Variants in NKAIN4 observed in about 807,000 individuals in gnomAD.
The protein encoded by NKAIN4 is sodium/potassium-transporting ATPase subunit beta-1-interacting protein 4.
Under a neutral mutation model 28.8 loss-of-function variants are expected in NKAIN4, and 28 were observed. That is an observed-to-expected ratio of 0.97 (90% confidence interval 0.72 to 1.33). The LOEUF (loss-of-function observed/expected upper bound fraction) is 1.33, where lower values mean the gene tolerates loss of function less well. NKAIN4 is among the 40% of genes most tolerant of loss of function. The pLI is 0.00. For synonymous variants in NKAIN4, 122 were observed against 115.6 expected, an observed-to-expected ratio of 1.06 and a Z score of -0.36; for missense variants, 289 against 277.2, an observed-to-expected ratio of 1.04 and a Z score of -0.30.
Position 63,247,787 on chromosome 20 carries a change from G to A in NKAIN4, c.274-12C>T. On this transcript the variant is annotated splice_polypyrimidine_tract_variant and intron_variant, in intron 3 of 6. Transcript: ENST00000370316. ...AGTAGCTCGCTGTCCTAGGGGAGAG[G>A]TGCAGGAGCAGGGCCGGTTAGCACC... 1 of 1,438,980 alleles carries A rather than the reference G, an allele frequency of 6.9e-7. No homozygotes were observed. Among genetic ancestry groups the A allele is most frequent in the Non-Finnish European group, 9.2e-7 (1 of 1,092,172 alleles). 89.1% of individuals were successfully genotyped at this position (1,438,980 alleles called of 1,614,324 possible). A position where few individuals can be genotyped will look rare whatever the true frequency, so the allele number is the denominator to read the frequency against.
chr20:63,249,386 C>A, intron 2 of NKAIN4: 1 of 194,786 alleles, frequency 5.1e-6, no homozygotes, highest in Admixed American at 5.3e-5. Flanking sequence ...CTGCACGGGC[C>A]ACAGCACCTA....
At chr20:63,244,728 C>A (rs2066825256) in intron 4 of NKAIN4, among the ~76,000 whole-genome samples, 1 of 152,220 alleles carries the variant, frequency 6.6e-6, no homozygotes, top group African/African-American at 2.4e-5. Flanking sequence ...CTCGCAGACA[C>A]CTGCATCCAG....
Position 63,247,775 on chromosome 20 carries a change from C to T in NKAIN4, c.274G>A (p.Asp92Asn), listed in dbSNP as rs148922292. 40 of 1,450,654 alleles carry T rather than the reference C, an allele frequency of 2.8e-5. No homozygotes were observed. The highest frequency in any genetic ancestry group is 3.4e-5 in the Non-Finnish European group (37 of 1,097,258). The allele number at this position is 1,450,654 out of a possible 1,614,324, so 89.9% of individuals were successfully genotyped here. A position where few individuals can be genotyped will look rare whatever the true frequency, so the allele number is the denominator to read the frequency against. Residue 92 changes from aspartate (D) to asparagine (N), a missense_variant and splice_region_variant, in exon 4 of 7, where the codon GAC (aspartate) becomes AAC (asparagine). Coordinates refer to ENST00000370316, the MANE Select transcript of NKAIN4 (RefSeq NM_152864.4). ...AGGCTGAAGGTCAGTAGCTCGCTGTCCTAGGGGAGAGGTGCAGGAGCAGGG... is the reference window on the plus strand; with the variant it reads ...AGGCTGAAGGTCAGTAGCTCGCTGTTCTAGGGGAGAGGTGCAGGAGCAGGG... ...FYLEVGGLLKDSELLTFSLSR... is the reference protein window; with the variant it reads ...FYLEVGGLLKNSELLTFSLSR...
intron 4 of NKAIN4, chr20:63,246,746 C>T (rs1174728421): frequency 6.2e-6 from 6 of 972,814 alleles, no homozygotes; most frequent in East Asian, 1.1e-4. Context: ...GCCCTGCCCC[C>T]GGAGCTCTTG....
chr20:63,241,689 T>A (rs1330258605), intron 6 of NKAIN4, 183 bp from the exon 7 acceptor site: 1 of 706,814 alleles, frequency 1.4e-6, no homozygotes, highest in Non-Finnish European at 2.6e-6. Flanking sequence ...TGCCTCTCTC[T>A]GTGCCGGCAG....
intron 6 of NKAIN4, 166 bp from the exon 7 acceptor site, chr20:63,241,672 C>A: frequency 1.4e-6 from 1 of 719,228 alleles, no homozygotes; most frequent in Non-Finnish European, 2.6e-6. Flanking sequence ...CTCTGGAAAG[C>A]CCCCACTGCC....
In NKAIN4 at chr20:63,249,997, T is replaced by C. The variant is rs939996201; in HGVS notation, c.130A>G (p.Ile44Val). 1 of 1,612,966 alleles carries C rather than the reference T, an allele frequency of 6.2e-7. No homozygotes were observed. The highest frequency in any genetic ancestry group is 8.5e-7 in the Non-Finnish European group (1 of 1,179,792). Residue 44 changes from isoleucine (I) to valine (V), a missense_variant, in exon 2 of 7, where the codon ATC (isoleucine) becomes GTC (valine). Coordinates refer to ENST00000370316, the MANE Select transcript of NKAIN4 (RefSeq NM_152864.4). ...AAGAGTCCCAGGATGACGATGATGATGTGGACAAAGTTGGCCAGGATGGGC... is the reference window on the plus strand; with the variant it reads ...AAGAGTCCCAGGATGACGATGATGACGTGGACAAAGTTGGCCAGGATGGGC... ...WAPILANFVH[I>V]IIVILGLFGT...
intron 1 of NKAIN4, chr20:63,253,462 C>T: frequency 1.0e-6 from 1 of 985,598 alleles, no homozygotes; most frequent in Non-Finnish European, 1.2e-6. Flanking sequence ...CTGCTCAAAA[C>T]TCTGAAACAG....
In NKAIN4 at chr20:63,242,621, C is replaced by T; in HGVS notation, c.535G>A (p.Asp179Asn). Residue 179 changes from aspartate to asparagine, a missense_variant and splice_region_variant, in exon 6 of 7, where the codon GAT becomes AAT. Coordinates refer to ENST00000370316, the MANE Select transcript of NKAIN4 (RefSeq NM_152864.4). ...AATGGATCAAATCCACCAATGAAAT[C>T]AACTGAAAGAAATCAAGACCCAAAT... is the stretch of plus-strand genomic sequence containing the variant. ...SVFTEEEDSF[D>N]FIGGFDPFPL... 1 of 1,610,708 alleles carries T rather than the reference C, an allele frequency of 6.2e-7. No homozygotes were observed. Among genetic ancestry groups the T allele is most frequent in the Non-Finnish European group, 8.5e-7 (1 of 1,177,256 alleles).
At chr20:63,250,914 C>T (rs972512414) in intron 1 of NKAIN4, among the ~76,000 whole-genome samples, 1 of 149,244 alleles carries the variant, frequency 6.7e-6, no homozygotes, top group Non-Finnish European at 1.5e-5. Flanking sequence ...CGCCCTATCC[C>T]CCACCCCAGC....
rs528771095 is a variant in NKAIN4, at chr20:63,243,532, G to A, written c.532+492C>T. Among the ~76,000 whole-genome samples the A allele has an allele frequency of 7.2e-5, 11 of 152,300 alleles. No homozygotes were observed. The South Asian group carries it at 1.2e-3, about 17-fold the overall frequency. On this transcript the variant is annotated intron_variant, in intron 5 of 6. Transcript: ENST00000370316. ...CCACACCAGGACGAGGGGACCCAGC[G>A]AGGGCGCCTGAGTGTGGACCACTCG...
In NKAIN4 at chr20:63,245,098, C is replaced by T. The variant is rs1253334106; in HGVS notation, c.472-1014G>A. Among the ~76,000 whole-genome samples, 4 of 152,158 alleles carry T rather than the reference C, an allele frequency of 2.6e-5. No homozygotes were observed. ...TGGACATGCTTGGGCTCCGTCCCCCCGACCCCCGACCCCATCTGGTACAGG... is the reference window on the plus strand; with the variant it reads ...TGGACATGCTTGGGCTCCGTCCCCCTGACCCCCGACCCCATCTGGTACAGG... On this transcript the variant is annotated intron_variant, in intron 4 of 6. Coordinates refer to ENST00000370316, the MANE Select transcript of NKAIN4 (RefSeq NM_152864.4). The surrounding 1 kb of genome is among the most constrained non-coding windows in gnomAD (Gnocchi z 4.7).
intron 4 of NKAIN4, among the ~76,000 whole-genome samples, chr20:63,244,696 G>A (rs563148363): frequency 6.6e-6 from 1 of 152,344 alleles, no homozygotes; most frequent in African/African-American, 2.4e-5. Context: ...CAGAGGGCAG[G>A]CCGCTGCAAA....
chr20:63,243,673 G>A (rs1379309007), intron 5 of NKAIN4, among the ~76,000 whole-genome samples: 3 of 152,196 alleles, frequency 2.0e-5, no homozygotes, highest in Non-Finnish European at 2.9e-5. Context: ...CCATGGGCCC[G>A]GTTCCGATCT....
chr20:63,247,726 C>A lies in NKAIN4; in HGVS notation c.323G>T (p.Arg108Leu), dbSNP rs980921395. ...FSLSRHRSWW[R>L]ERWPGCLHEE... ...ATGCAGACAGCCTGGCCAGCGCTCA[C>A]GCCACCAGGAGCGATGCCGGGAGAG... is the stretch of plus-strand genomic sequence containing the variant. Residue 108 changes from arginine to leucine, a missense_variant, in exon 4 of 7, where the codon CGT (arginine) becomes CTT (leucine). Physicochemically the swap from Arg to Leu is moderately radical, Grantham distance 102. Transcript: ENST00000370316. 4.9e-5 allele frequency: 73 copies of A among 1,502,230 alleles called. No individual in the cohort carries two copies. The highest frequency in any genetic ancestry group is 6.4e-5 in the Non-Finnish European group (72 of 1,122,444). The allele number at this position is 1,502,230 out of a possible 1,614,324, so 93.1% of individuals were successfully genotyped here. A position where few individuals can be genotyped will look rare whatever the true frequency, so the allele number is the denominator to read the frequency against.
At chr20:63,253,715 A>C (rs1400560178) in intron 1 of NKAIN4, among the ~76,000 whole-genome samples, 2 of 152,150 alleles carry the variant, frequency 1.3e-5, no homozygotes, top group East Asian at 3.9e-4. Context: ...ACTCCGGGGC[A>C]GAATGGAAAC....
intron 4 of NKAIN4, among the ~76,000 whole-genome samples, 196 bp from the exon 5 acceptor site, chr20:63,244,280 A>G (rs2236188): frequency 0.5 from 76,043 of 151,726 alleles, 19,558 homozygotes; most frequent in East Asian, 0.85. Flanking sequence ...CTCCGGACGC[A>G]CCCCTGCCTT....
At chr20:63,247,230 G>A (rs1165564305) in intron 4 of NKAIN4, 2 of 1,216,644 alleles carry the variant, frequency 1.6e-6, no homozygotes, top group South Asian at 1.8e-5. Context: ...GGGTTTGTCA[G>A]GAAGATGCAT....
rs183907681 is a variant in NKAIN4 at position 63,243,904 on chromosome 20, T to G, written c.532+120A>C. 3.1e-3 allele frequency: 2,426 copies of G among 783,016 alleles called. 9 individuals carry two copies. Among genetic ancestry groups the G allele is most frequent in the Non-Finnish European group, 3.7e-3 (1,752 of 470,798 alleles). The allele number at this position is 783,016 out of a possible 1,614,324, so 48.5% of individuals were successfully genotyped here. ...CCTACGGCCGTGAGCAAGGCCCTGCTGGGCGTGAGGTCCCTTCCAAGTGGG... is the reference window on the plus strand; with the variant it reads ...CCTACGGCCGTGAGCAAGGCCCTGCGGGGCGTGAGGTCCCTTCCAAGTGGG... On this transcript the variant is annotated intron_variant, in intron 5 of 6. Coordinates refer to ENST00000370316, the MANE Select transcript of NKAIN4 (RefSeq NM_152864.4).
Sources: allele counts gnomAD v4.1 joint callset (sites outside exome capture counted in the v4.1 genomes callset), GRCh38; gene constraint gnomAD v4.1.1; non-coding constraint Gnocchi (gnomAD v3.1); transcripts MANE v1.5; gene names NCBI Gene and HGNC (gene_info 2026-07-23, HGNC 2026-07-21).